LPXN: variants seen among roughly 807,000 people sequenced by gnomAD.
LPXN encodes leupaxin.
LPXN carries 28 observed loss-of-function variants against 45.6 expected under a neutral mutation model. The ratio of observed to expected loss-of-function variants is 0.61; its 90% CI spans 0.45 to 0.84. The LOEUF is 0.84. Ranked by LOEUF, LPXN falls within the 40% of genes least tolerant of loss-of-function variation. The probability of loss-of-function intolerance (pLI) is 0.00; values close to 1 mark genes in which losing one functional copy is unlikely to be tolerated. For missense variants in LPXN, 459 were observed against 475.0 expected (o/e 0.97, Z 0.31); for synonymous variants, 166 against 169.9 (o/e 0.98, Z 0.18).
At chr11:58,573,323 C>T (rs1458720652) in intron 1 of LPXN, among the ~76,000 whole-genome samples, 1 of 151,422 alleles carries the variant, frequency 6.6e-6, no homozygotes, top group African/African-American at 2.4e-5. Context: ...AACTTTTTGC[C>T]TCAGATTTTT....
intron 3 of LPXN, among the ~76,000 whole-genome samples, chr11:58,562,191 T>C (rs776193203): frequency 6.6e-6 from 1 of 152,252 alleles, no homozygotes; most frequent in Non-Finnish European, 1.5e-5. Context: ...ATTTCTAAAT[T>C]ATTGCTCATG....
rs1367276221 is a variant in LPXN at position 58,526,960 on chromosome 11, T to C, written c.*494A>G. The stretch of plus-strand genomic sequence containing the variant: ...TCTACTTCCTCTTGAAAAACAAAAA[T>C]ACACTGAAGGAAGATGCAAAGAGCT... On this transcript the variant is annotated 3_prime_UTR_variant, in exon 9 of 9. Coordinates refer to ENST00000395074, the MANE Select transcript of LPXN (RefSeq NM_004811.3). The C allele has an allele frequency of 6.5e-6, 1 of 154,754 alleles. No homozygotes were observed. Among genetic ancestry groups the C allele is most frequent in the African/African-American group, 2.4e-5 (1 of 41,416 alleles). 9.6% of individuals were successfully genotyped at this position (154,754 alleles called of 1,614,324 possible). A position where few individuals can be genotyped will look rare whatever the true frequency, so the allele number is the denominator to read the frequency against.
intron 7 of LPXN, among the ~76,000 whole-genome samples, chr11:58,537,579 C>T (rs1011835848): frequency 6.6e-6 from 1 of 151,840 alleles, no homozygotes; most frequent in Non-Finnish European, 1.5e-5. Context: ...TTGATGGGTG[C>T]AGCAAACCAC....
intron 7 of LPXN, among the ~76,000 whole-genome samples, chr11:58,532,713 CA>C (rs1339577823): frequency 6.6e-6 from 1 of 152,158 alleles, no homozygotes; most frequent in African/African-American, 2.4e-5. Flanking sequence ...TAAAATGGAC[CA>C]ATCAGCTCTC....
At position 58,555,594 on chromosome 11, in the gene LPXN, T is replaced by C. The variant is rs536315610; in HGVS notation, c.219-654A>G. 1.1e-4 allele frequency among the ~76,000 whole-genome samples: 16 copies of C among 152,276 alleles called. No individual in the cohort carries two copies. The East Asian group carries it at 2.7e-3, about 26-fold the overall frequency. On this transcript the variant is annotated intron_variant, in intron 3 of 8. Transcript: ENST00000395074. ...AATAAATTTTTAAAAGTACATCATA[T>C]AGACCATATTCTTAGATTGGAGTGA... is the stretch of plus-strand genomic sequence containing the variant.
intron 7 of LPXN, among the ~76,000 whole-genome samples, chr11:58,536,884 G>A (rs1293872604): frequency 6.6e-6 from 1 of 151,982 alleles, no homozygotes; most frequent in Admixed American, 6.6e-5. Context: ...AGACATTTAT[G>A]TAGCCAATAA....
At chr11:58,540,421 A>G (rs1853680724) in intron 7 of LPXN, among the ~76,000 whole-genome samples, 1 of 152,186 alleles carries the variant, frequency 6.6e-6, no homozygotes, top group Non-Finnish European at 1.5e-5. Context: ...GTAAATGATA[A>G]TAAGAAATTC....
intron 7 of LPXN, among the ~76,000 whole-genome samples, chr11:58,528,485 G>A (rs1353101232): frequency 6.6e-6 from 1 of 152,156 alleles, no homozygotes; most frequent in African/African-American, 2.4e-5. Flanking sequence ...GCCTGATATA[G>A]TTGTCCTCTT....
intron 1 of LPXN, among the ~76,000 whole-genome samples, chr11:58,570,938 G>C (rs1192698278): frequency 1.3e-5 from 2 of 151,946 alleles, no homozygotes; most frequent in African/African-American, 4.8e-5. Context: ...ATTTTCTATG[G>C]TTGCATTCAA....
intron 2 of LPXN, among the ~76,000 whole-genome samples, 168 bp downstream of exon 2, chr11:58,570,388 A>T (rs1854652754): frequency 6.6e-6 from 1 of 152,074 alleles, no homozygotes; most frequent in Admixed American, 6.5e-5. Context: ...GATTTTCTCA[A>T]TTCTCTTCCT....
chr11:58,551,396 C>T (rs1854048518), intron 4 of LPXN, among the ~76,000 whole-genome samples, 164 bp from the exon 5 acceptor site: 1 of 152,214 alleles, frequency 6.6e-6, no homozygotes, highest in African/African-American at 2.4e-5. Context: ...CAATAAAAAT[C>T]TTTTCATCTC....
rs147140497 is a variant in LPXN, at chr11:58,565,741, G to C, written c.172-1540C>G. On this transcript the variant is annotated intron_variant, in intron 2 of 8. Coordinates refer to ENST00000395074, the MANE Select transcript of LPXN (RefSeq NM_004811.3). ...CTAACGCCTATCATCCCAGCACTTT[G>C]GGAGGCTGAGGCACGTGCATCATTT... Among the ~76,000 whole-genome samples the C allele has an allele frequency of 4.8e-4, 73 of 152,166 alleles. No individual in the cohort carries two copies. The East Asian group carries it at 0.014, about 28-fold the overall frequency.
chr11:58,546,287 T>A (rs1853873830), intron 7 of LPXN, among the ~76,000 whole-genome samples: 1 of 152,148 alleles, frequency 6.6e-6, no homozygotes, highest in Non-Finnish European at 1.5e-5. Context: ...GAGATACTCT[T>A]CAAGGCTAGA....
intron 7 of LPXN, among the ~76,000 whole-genome samples, chr11:58,540,324 A>G (rs1853678354): frequency 6.6e-6 from 1 of 152,200 alleles, no homozygotes; most frequent in African/African-American, 2.4e-5. Context: ...GAGACAAAAC[A>G]GCAAAATGCA....
chr11:58,566,132 CAT>C (rs34448423), intron 2 of LPXN, among the ~76,000 whole-genome samples: 30,115 of 151,966 alleles, frequency 0.2, 3,176 homozygotes, highest in Middle Eastern at 0.31. Context: ...TTTTCAGGAA[CAT>C]GTGTTTTTTT....
intron 7 of LPXN, among the ~76,000 whole-genome samples, chr11:58,548,543 A>C: frequency 6.6e-6 from 1 of 152,220 alleles, no homozygotes; most frequent in East Asian, 1.9e-4. Flanking sequence ...CTTAGTGATA[A>C]GTACAATAAA....
At chr11:58,577,933 T>C (rs768657657), upstream of LPXN, 30 of 1,481,308 alleles carry the variant, frequency 2.0e-5, no homozygotes, top group Non-Finnish European at 2.7e-5. Flanking sequence ...GTGGGCCTTG[T>C]GCTAGGGCTC....
chr11:58,578,395 T>A (rs1298722457), upstream of LPXN, among the ~76,000 whole-genome samples: 1 of 152,100 alleles, frequency 6.6e-6, no homozygotes, highest in East Asian at 1.9e-4. Flanking sequence ...TAAGACTTCA[T>A]CTCCCAGAAT....
intron 3 of LPXN, 58 bp downstream of exon 3, chr11:58,564,097 T>A: frequency 9.4e-7 from 1 of 1,059,514 alleles, no homozygotes; most frequent in Middle Eastern, 2.5e-4. Context: ...AAACAAAGAT[T>A]GATAACAATT....
Sources: gnomAD v4.1 joint callset for allele counts (sites outside exome capture counted in the v4.1 genomes callset) on GRCh38, gnomAD v4.1.1 for gene constraint, MANE v1.5 for transcripts, NCBI Gene and HGNC (gene_info 2026-07-23, HGNC 2026-07-21) for gene names.